Variants in FAM149B1 observed in about 807,000 individuals in gnomAD.
FAM149B1 encodes family with sequence similarity 149 member B1, also known as primary cilium assembly protein FAM149B1.
In FAM149B1, 56 loss-of-function variants were observed where a neutral mutation model predicts 75.3. That is an observed-to-expected ratio of 0.74 (90% CI 0.60 to 0.93). The LOEUF (loss-of-function observed/expected upper bound fraction) is 0.93, where lower values mean the gene tolerates loss of function less well. FAM149B1 is among the 40% of genes least tolerant of loss of function. The pLI is 0.00. For synonymous variants in FAM149B1, 259 were observed against 256.1 expected (o/e 1.01, Z -0.11); for missense variants, 639 against 708.4 (o/e 0.90, Z 1.11).
At chr10:73,227,857 C>A (rs887051345) in intron 7 of FAM149B1, among the ~76,000 whole-genome samples, 6 of 152,200 alleles carry the variant, frequency 3.9e-5, no homozygotes, top group African/African-American at 1.4e-4. Context: ...TACCAGTAGG[C>A]ATCATCAGCC....
chr10:73,241,113 C>T lies in FAM149B1; in HGVS notation c.*94C>T, dbSNP rs991662933. 2.6e-6 allele frequency: 2 copies of T among 771,522 alleles called. No homozygotes were observed. The highest frequency in any genetic ancestry group is 4.5e-6 in the Non-Finnish European group (2 of 448,510). The allele number at this position is 771,522 out of a possible 1,614,324, so 47.8% of individuals were successfully genotyped here. The stretch of plus-strand genomic sequence containing the variant: ...GTGATGCAGAGCTTGTATAGAAGAT[C>T]GACTAGAAATCATCTTCATGAAGAG... On this transcript the variant is annotated 3_prime_UTR_variant, in exon 14 of 14. Coordinates refer to ENST00000242505, the MANE Select transcript of FAM149B1 (RefSeq NM_173348.2).
At chr10:73,232,142 C>G (rs1290869485) in intron 9 of FAM149B1, among the ~76,000 whole-genome samples, 1 of 152,094 alleles carries the variant, frequency 6.6e-6, no homozygotes. Flanking sequence ...GTTATTCTTT[C>G]ACTTCTCTTC....
intron 7 of FAM149B1, among the ~76,000 whole-genome samples, chr10:73,225,411 T>C (rs2043517560): frequency 6.6e-6 from 1 of 152,150 alleles, no homozygotes; most frequent in Non-Finnish European, 1.5e-5. Flanking sequence ...ATGTGTGTGT[T>C]TGTGTCTTAG....
chr10:73,181,879 CTCTT>C (rs1337099220), intron 3 of FAM149B1, among the ~76,000 whole-genome samples: 1 of 152,188 alleles, frequency 6.6e-6, no homozygotes, highest in Non-Finnish European at 1.5e-5. Context: ...ACCTATATCT[CTCTT>C]TAGCTCTCAT....
At chr10:73,220,090 GGATA>G (rs1245600504) in intron 7 of FAM149B1, among the ~76,000 whole-genome samples, 1 of 151,164 alleles carries the variant, frequency 6.6e-6, no homozygotes, top group Non-Finnish European at 1.5e-5. Context: ...CAAATAATTT[GGATA>G]GATATTTCTC....
rs2043985139 is a variant in FAM149B1, at chr10:73,244,445, G to A, written c.*3426G>A. The A allele has an allele frequency of 6.6e-6, 1 of 151,208 alleles. No individual in the cohort carries two copies. The highest frequency in any genetic ancestry group is 1.5e-5 in the Non-Finnish European group (1 of 68,102). 9.4% of individuals were successfully genotyped at this position (151,208 alleles called of 1,614,324 possible). ...CTGAGAGTTCAGGCTGCAATAAGCT[G>A]TGATCATGCCTCTGCACTCCAGCCT... On this transcript the variant is annotated 3_prime_UTR_variant, in exon 14 of 14. Transcript: ENST00000242505.
intron 10 of FAM149B1, among the ~76,000 whole-genome samples, chr10:73,233,688 G>A (rs770465718): frequency 7.9e-5 from 12 of 152,164 alleles, no homozygotes; most frequent in Non-Finnish European, 1.6e-4. Flanking sequence ...TCTTTCTGTT[G>A]ATCTAGCTAA....
chr10:73,236,725 C>CTTTTCT (rs2043831311), intron 12 of FAM149B1, among the ~76,000 whole-genome samples: 1 of 135,770 alleles, frequency 7.4e-6, no homozygotes, highest in African/African-American at 2.7e-5. Flanking sequence ...TTTTTCTTTT[C>CTTTTCT]TTTTTTTTTT....
chr10:73,196,817 CT>C (rs2042815043), intron 5 of FAM149B1, among the ~76,000 whole-genome samples: 1 of 152,168 alleles, frequency 6.6e-6, no homozygotes, highest in African/African-American at 2.4e-5. Flanking sequence ...CCAACACTGG[CT>C]TTCTTTCAGA....
rs768512624 is a variant in FAM149B1, at chr10:73,170,503, C to CAAAT, written c.47+2137_47+2140dup. Among the ~76,000 whole-genome samples, 39 of 150,196 alleles carry CAAAT rather than the reference C, an allele frequency of 2.6e-4. 1 individual carries two copies. In the South Asian group the frequency reaches 3.4e-3, roughly 13 times the overall value. On this transcript the variant is annotated intron_variant, in intron 1 of 13. Coordinates refer to ENST00000242505, the MANE Select transcript of FAM149B1 (RefSeq NM_173348.2). ...TGGGTGACAGAGGAAGACTCTGTCT[C>CAAAT]AAATAAATAAATAAATAAATAAAAA...
intron 3 of FAM149B1, among the ~76,000 whole-genome samples, chr10:73,180,789 T>G (rs1019157919): frequency 5.3e-5 from 8 of 152,170 alleles, no homozygotes; most frequent in Non-Finnish European, 8.8e-5. Flanking sequence ...TATTTTAAAA[T>G]GTACAATTAA....
At chr10:73,231,371 C>T (rs541740550) in intron 9 of FAM149B1, 1 of 152,146 alleles carries the variant, frequency 6.6e-6, no homozygotes, top group African/African-American at 2.4e-5. Flanking sequence ...GGTCATAGCA[C>T]AGGTATATGT....
intron 5 of FAM149B1, among the ~76,000 whole-genome samples, chr10:73,205,373 G>A (rs932091294): frequency 1.3e-5 from 2 of 151,918 alleles, no homozygotes; most frequent in African/African-American, 4.8e-5. Context: ...TGCTCTGGTC[G>A]TGTGATATGC....
intron 3 of FAM149B1, among the ~76,000 whole-genome samples, chr10:73,189,164 G>A (rs2042618472): frequency 1.3e-5 from 2 of 152,108 alleles, no homozygotes; most frequent in African/African-American, 4.8e-5. Context: ...GAATTATAGA[G>A]AAAATGCAAA....
intron 1 of FAM149B1, among the ~76,000 whole-genome samples, chr10:73,170,888 A>T (rs180942069): frequency 9.9e-5 from 15 of 152,234 alleles, no homozygotes; most frequent in African/African-American, 3.6e-4. Context: ...TCTGAAAGTT[A>T]AAAAAAATCT....
chr10:73,186,408 C>T (rs564994433), intron 3 of FAM149B1, among the ~76,000 whole-genome samples: 4 of 152,256 alleles, frequency 2.6e-5, no homozygotes, highest in African/African-American at 9.6e-5. Flanking sequence ...AGACTGGATA[C>T]CTTCCCCTTA....
intron 7 of FAM149B1, among the ~76,000 whole-genome samples, chr10:73,225,580 A>G (rs2043521689): frequency 6.6e-6 from 1 of 152,258 alleles, no homozygotes; most frequent in Admixed American, 6.5e-5. Context: ...TAAAAAATTT[A>G]TAAAGTCAAA....
At chr10:73,171,190 C>T (rs1295066414) in intron 1 of FAM149B1, among the ~76,000 whole-genome samples, 1 of 152,230 alleles carries the variant, frequency 6.6e-6, no homozygotes, top group Middle Eastern at 3.4e-3. Context: ...CTGTCTGCCT[C>T]GGTCTCCCAA....
intron 1 of FAM149B1, 84 bp downstream of exon 1, chr10:73,168,470 C>T: frequency 2.0e-6 from 3 of 1,475,240 alleles, no homozygotes; most frequent in Non-Finnish European, 2.8e-6. Context: ...CGTTCCTTTC[C>T]TTTCCCAGGG....
Sources: gnomAD v4.1 joint callset for allele counts (sites outside exome capture counted in the v4.1 genomes callset) on GRCh38, gnomAD v4.1.1 for gene constraint, MANE v1.5 for transcripts, NCBI Gene and HGNC (gene_info 2026-07-23, HGNC 2026-07-21) for gene names.